The following UBE4B variants were observed in gnomAD, a reference collection of about 807,000 sequenced individuals.
UBE4B encodes ubiquitination factor E4B, also known as ubiquitin conjugation factor E4 B.
A neutral mutation model predicts 148.1 loss-of-function variants in UBE4B; 27 were observed. That is an observed-to-expected ratio of 0.18 (90% CI 0.13 to 0.25). The LOEUF (loss-of-function observed/expected upper bound fraction) is 0.25, where lower values mean the gene tolerates loss of function less well. UBE4B is among the 10% of genes least tolerant of loss of function. UBE4B has a pLI of 1.00. For missense variants in UBE4B, 1,170 were observed against 1,662.4 expected (o/e 0.70, Z 5.15); for synonymous variants, 596 against 619.3 (o/e 0.96, Z 0.56).
At chr1:10,036,027 A>T (rs12030552) in intron 1 of UBE4B, among the ~76,000 whole-genome samples, 2 of 150,524 alleles carry the variant, frequency 1.3e-5, no homozygotes, top group African/African-American at 4.9e-5. Flanking sequence ...TACAGGTGTG[A>T]GCCACCGCGC....
In UBE4B at chr1:10,180,040, C is replaced by A; in HGVS notation, c.*84C>A. ...CAGCGGCCGCAGCGAAGCTGCCGTT[C>A]ATGTGTTGGAGGCCAAATGTGGCAA... On this transcript the variant is annotated 3_prime_UTR_variant, in exon 28 of 28. Transcript: ENST00000343090. 2 of 1,582,016 alleles carry A rather than the reference C, an allele frequency of 1.3e-6. No homozygotes were observed. Among genetic ancestry groups the A allele is most frequent in the South Asian group, 1.1e-5 (1 of 89,442 alleles).
At chr1:10,151,989 T>C (rs557551100) in intron 21 of UBE4B, among the ~76,000 whole-genome samples, 1 of 152,234 alleles carries the variant, frequency 6.6e-6, no homozygotes, top group East Asian at 1.9e-4. Flanking sequence ...CCGGGTGCGG[T>C]GGCTCATGCC....
At chr1:10,155,437 C>CA (rs1380064631) in intron 21 of UBE4B, among the ~76,000 whole-genome samples, 1 of 152,202 alleles carries the variant, frequency 6.6e-6, no homozygotes, top group East Asian at 1.9e-4. Context: ...TGCTGAAGGT[C>CA]AGTGGCTAGC....
intron 1 of UBE4B, among the ~76,000 whole-genome samples, chr1:10,053,270 T>TC (rs1430706790): frequency 6.6e-6 from 1 of 150,456 alleles, no homozygotes; most frequent in Non-Finnish European, 1.5e-5. Flanking sequence ...TGCCTCAGCC[T>TC]CCCAAGTAGC....
intron 7 of UBE4B, among the ~76,000 whole-genome samples, chr1:10,110,074 A>AT (rs2101901623): frequency 6.6e-6 from 1 of 152,232 alleles, no homozygotes; most frequent in South Asian, 2.1e-4. Flanking sequence ...TCTTCCCAGA[A>AT]TTTTTTTACT....
At chr1:10,107,483 A>G (rs748914883) in intron 7 of UBE4B, 13 of 1,171,114 alleles carry the variant, frequency 1.1e-5, no homozygotes, top group Non-Finnish European at 1.4e-5. Flanking sequence ...ATAGGGTCAA[A>G]TGAGGTGGGC....
intron 15 of UBE4B, among the ~76,000 whole-genome samples, chr1:10,133,834 G>A (rs1388204881): frequency 6.6e-6 from 1 of 152,070 alleles, no homozygotes; most frequent in Non-Finnish European, 1.5e-5. Context: ...AGGATCACTT[G>A]AGCCAGGGAG....
intron 3 of UBE4B, among the ~76,000 whole-genome samples, chr1:10,096,863 A>G (rs2101877063): frequency 6.6e-6 from 1 of 151,980 alleles, no homozygotes; most frequent in Admixed American, 6.6e-5. Context: ...ACATCGTGAA[A>G]CTCCGTCTCT....
intron 23 of UBE4B, among the ~76,000 whole-genome samples, chr1:10,165,745 T>A (rs1363536667): frequency 1.3e-5 from 2 of 151,994 alleles, no homozygotes; most frequent in Non-Finnish European, 2.9e-5. Context: ...AGATATACCC[T>A]CCCTCAGGGA....
At chr1:10,089,415 A>G (rs1425601194) in intron 2 of UBE4B, among the ~76,000 whole-genome samples, 1 of 151,950 alleles carries the variant, frequency 6.6e-6, no homozygotes, top group African/African-American at 2.4e-5. Flanking sequence ...CTGAAGCAGG[A>G]GGATCATTTG....
At chr1:10,124,763 G>A (rs1393051198) in intron 10 of UBE4B, among the ~76,000 whole-genome samples, 1 of 152,184 alleles carries the variant, frequency 6.6e-6, no homozygotes, top group Non-Finnish European at 1.5e-5. Flanking sequence ...TAGGACTGGA[G>A]GTGGATACTT....
At chr1:10,045,890 C>T (rs1295832067) in intron 1 of UBE4B, among the ~76,000 whole-genome samples, 1 of 152,102 alleles carries the variant, frequency 6.6e-6, no homozygotes, top group African/African-American at 2.4e-5. Context: ...AGGTTATCAT[C>T]GAGTTGATTG....
chr1:10,179,800 G>A, intron 27 of UBE4B, 95 bp from the exon 28 acceptor site: 9 of 1,508,638 alleles, frequency 6.0e-6, no homozygotes, highest in Admixed American at 1.8e-5. Flanking sequence ...GGAAAGAATG[G>A]CCTTTTCTTC....
At chr1:10,101,959 T>C (rs1356979811) in intron 4 of UBE4B, among the ~76,000 whole-genome samples, 2 of 151,074 alleles carry the variant, frequency 1.3e-5, no homozygotes, top group Non-Finnish European at 2.9e-5. Context: ...CACCTGAGCT[T>C]AGTGCTCTGC....
chr1:10,100,513 T>A (rs1233824538), intron 3 of UBE4B, among the ~76,000 whole-genome samples: 4 of 152,174 alleles, frequency 2.6e-5, no homozygotes, highest in Non-Finnish European at 4.4e-5. Flanking sequence ...TATGTCATTT[T>A]AAAATACTAT....
intron 1 of UBE4B, among the ~76,000 whole-genome samples, chr1:10,043,520 G>A (rs975435486): frequency 3.4e-5 from 5 of 145,846 alleles, no homozygotes; most frequent in African/African-American, 1.3e-4. Context: ...TCCGCCACCT[G>A]GGTTCACACC....
intron 1 of UBE4B, among the ~76,000 whole-genome samples, chr1:10,048,989 A>G (rs2101788964): frequency 6.6e-6 from 1 of 152,334 alleles, no homozygotes; most frequent in South Asian, 2.1e-4. Flanking sequence ...GGGAGGAAGT[A>G]AAGAGGTAGA....
chr1:10,099,300 A>G (rs1333734254), intron 3 of UBE4B, among the ~76,000 whole-genome samples: 3 of 152,148 alleles, frequency 2.0e-5, no homozygotes, highest in Non-Finnish European at 4.4e-5. Flanking sequence ...AGTTGCTTAT[A>G]AGAAGTGTAT....
intron 2 of UBE4B, among the ~76,000 whole-genome samples, chr1:10,091,613 AT>A (rs1314284560): frequency 4.0e-5 from 6 of 149,026 alleles, no homozygotes; most frequent in African/African-American, 9.8e-5. Flanking sequence ...CCTAATTTTT[AT>A]TTTTTTTTTA....
Sources: gnomAD v4.1 joint callset for allele counts (sites outside exome capture counted in the v4.1 genomes callset) on GRCh38, gnomAD v4.1.1 for gene constraint, MANE v1.5 for transcripts, NCBI Gene and HGNC (gene_info 2026-07-23, HGNC 2026-07-21) for gene names.